Variants in ODF2L observed in about 807,000 individuals in gnomAD.
ODF2L encodes protein BCAP.
Under a neutral mutation model 86.3 loss-of-function variants are expected in ODF2L, and 76 were observed. The observed-to-expected ratio is 0.88, with a 90% confidence interval of 0.73 to 1.07. ODF2L has a LOEUF of 1.07. Ranked by LOEUF, ODF2L falls within the 50% of genes least tolerant of loss-of-function variation. The pLI, the probability that ODF2L is intolerant of heterozygous loss-of-function variation, is 0.00. For missense variants in ODF2L, 748 were observed against 717.4 expected, an observed-to-expected ratio of 1.04 and a Z score of -0.49; for synonymous variants, 241 against 231.3, an observed-to-expected ratio of 1.04 and a Z score of -0.38.
At chr1:86,387,523 C>G (rs1661037850) in intron 1 of ODF2L, among the ~76,000 whole-genome samples, 1 of 152,136 alleles carries the variant, frequency 6.6e-6, no homozygotes, top group Non-Finnish European at 1.5e-5. Context: ...GCAACAATAG[C>G]TACAAAGGAT....
intron 4 of ODF2L, 71 bp from the exon 5 acceptor site, chr1:86,383,267 TA>T: frequency 1.4e-6 from 1 of 708,554 alleles, no homozygotes; most frequent in Non-Finnish European, 2.4e-6. Flanking sequence ...GGAAGTGAAA[TA>T]AGCACTACTC....
rs374300574 is a variant in ODF2L at position 86,376,420 on chromosome 1, TA to T, written c.625-3del. 23,389 of 1,376,678 alleles carry T rather than the reference TA, an allele frequency of 0.017. 159 individuals carry two copies. Among genetic ancestry groups the T allele is most frequent in the African/African-American group, 0.034 (2,346 of 68,106 alleles). The allele number at this position is 1,376,678 out of a possible 1,614,324, so 85.3% of individuals were successfully genotyped here. ...CTTGGCTATCTTGGTTTCTAAGCTC[TA>T]AAAAAAAAATTAGCAACAATTAAAT... On this transcript the variant is annotated splice_region_variant and splice_polypyrimidine_tract_variant and intron_variant, in intron 7 of 17. Coordinates refer to ENST00000317336, the Ensembl canonical transcript of ODF2L.
At chr1:86,368,858 A>G in intron 10 of ODF2L, 2 of 668,374 alleles carry the variant, frequency 3.0e-6, no homozygotes, top group Admixed American at 4.4e-5. Flanking sequence ...CGTTGACTAT[A>G]TATTACAAAG....
chr1:86,363,386 TG>T (rs1659178379), intron 11 of ODF2L, among the ~76,000 whole-genome samples: 2 of 152,186 alleles, frequency 1.3e-5, no homozygotes, highest in South Asian at 4.1e-4. Context: ...ATAGATGGTA[TG>T]TAAAGCCACA....
intron 11 of ODF2L, among the ~76,000 whole-genome samples, chr1:86,362,331 A>G (rs1228924415): frequency 6.6e-6 from 1 of 151,716 alleles, no homozygotes; most frequent in East Asian, 1.9e-4. Flanking sequence ...ACAGGGTGTC[A>G]GGCCCAAGCT....
intron 1 of ODF2L, among the ~76,000 whole-genome samples, chr1:86,390,144 C>T (rs1558067334): frequency 2.0e-5 from 3 of 152,138 alleles, no homozygotes; most frequent in Admixed American, 6.5e-5. Context: ...CTTAAAAGGC[C>T]GGGCGTGGTG....
chr1:86,373,910 A>G (rs762924814), intron 8 of ODF2L, among the ~76,000 whole-genome samples: 13 of 152,188 alleles, frequency 8.5e-5, no homozygotes, highest in Admixed American at 3.9e-4. Flanking sequence ...GTTCATGGCT[A>G]TATTTCTAGG....
At chr1:86,370,958 T>C (rs1028208817) in intron 10 of ODF2L, 60 bp downstream of exon 10, 55 of 1,119,618 alleles carry the variant, frequency 4.9e-5, no homozygotes, top group Non-Finnish European at 1.2e-5. Flanking sequence ...AAGCTATTTC[T>C]ACTAAGTAGA....
At position 86,383,096 on chromosome 1, in the gene ODF2L, A is replaced by C. The variant is rs188197312; in HGVS notation, c.435+38T>G. The C allele has an allele frequency of 1.4e-3, 1,990 of 1,383,728 alleles. 9 individuals carry two copies. Among genetic ancestry groups the C allele is most frequent in the Middle Eastern group, 9.3e-3 (52 of 5,594 alleles). 85.7% of individuals were successfully genotyped at this position (1,383,728 alleles called of 1,614,324 possible). ...CAAGCAGCATGCAAATAACAATGAC[A>C]GGAAGAATGGACACAAAGTAAGTGT... On this transcript the variant is annotated intron_variant, in intron 5 of 17. Coordinates refer to ENST00000317336, the Ensembl canonical transcript of ODF2L.
intron 11 of ODF2L, among the ~76,000 whole-genome samples, chr1:86,361,858 G>T (rs903669262): frequency 7.2e-5 from 11 of 152,290 alleles, no homozygotes; most frequent in South Asian, 2.1e-4. Flanking sequence ...GGCACTGAAG[G>T]TTCTATTAGT....
exon 7 of ODF2L, chr1:86,382,351 G>C (rs1321593150): frequency 7.5e-6 from 12 of 1,610,608 alleles, no homozygotes; most frequent in African/African-American, 5.4e-5. Flanking sequence ...TGCTTTCAAA[G>C]TATTTGCCTG....
At chr1:86,348,967 T>C (rs1418151703), downstream of ODF2L, 1 of 1,292,812 alleles carries the variant, frequency 7.7e-7, no homozygotes, top group African/African-American at 1.6e-5. Flanking sequence ...ATATATACAA[T>C]AACTAGATAA....
At chr1:86,353,130 T>C (rs272497) in intron 16 of ODF2L, 146 bp from the exon 16 acceptor site, 394,279 of 573,534 alleles carry the variant, frequency 0.69, 137,230 homozygotes, top group East Asian at 0.84. Flanking sequence ...TGAAGAAGCA[T>C]ATATAGCGTA....
chr1:86,363,467 A>G (rs1659185175), intron 11 of ODF2L, among the ~76,000 whole-genome samples: 1 of 152,194 alleles, frequency 6.6e-6, no homozygotes, highest in Non-Finnish European at 1.5e-5. Context: ...ATTACCTAGT[A>G]TTGGAAAATG....
chr1:86,391,105 T>C (rs1661292501), intron 1 of ODF2L, among the ~76,000 whole-genome samples: 2 of 151,896 alleles, frequency 1.3e-5, no homozygotes, highest in Non-Finnish European at 2.9e-5. Context: ...CAAAATAAAA[T>C]AAAATACTTA....
At chr1:86,393,803 T>C (rs1387833043) in intron 1 of ODF2L, among the ~76,000 whole-genome samples, 1 of 152,250 alleles carries the variant, frequency 6.6e-6, no homozygotes, top group Non-Finnish European at 1.5e-5. Context: ...GGACAAATAA[T>C]ACGCATCACT....
chr1:86,390,433 T>A (rs1661241585), intron 1 of ODF2L, among the ~76,000 whole-genome samples: 1 of 151,346 alleles, frequency 6.6e-6, no homozygotes, highest in African/African-American at 2.4e-5. Flanking sequence ...AAAAAAAAAT[T>A]CTTAACAAAA....
At chr1:86,387,144 C>T in intron 1 of ODF2L, 58 bp from the exon 2 acceptor site, 1 of 524,742 alleles carries the variant, frequency 1.9e-6, no homozygotes, top group African/African-American at 2.0e-5. Flanking sequence ...TCATTACTCT[C>T]TCATAAAAAA....
chr1:86,362,217 G>A lies in ODF2L; in HGVS notation c.1144-1681C>T, dbSNP rs564230632. Among the ~76,000 whole-genome samples, 11 of 151,952 alleles carry A rather than the reference G, an allele frequency of 7.2e-5. No individual in the cohort carries two copies. The East Asian group carries it at 1.2e-3, about 16-fold the overall frequency. On this transcript the variant is annotated intron_variant, in intron 11 of 17. Coordinates refer to ENST00000317336, the Ensembl canonical transcript of ODF2L. ...GGTATAATGCCTTGTAGGTATTTAC[G>A]AACCAAGATATCTCTGGGGGGTTCT...
Sources: allele counts gnomAD v4.1 joint callset (sites outside exome capture counted in the v4.1 genomes callset), GRCh38; gene constraint gnomAD v4.1.1; transcripts MANE v1.5; gene names NCBI Gene and HGNC (gene_info 2026-07-23, HGNC 2026-07-21).